The following MYH13 variants were observed in gnomAD, a reference collection of about 807,000 sequenced individuals.
The protein encoded by MYH13 is myosin-13.
MYH13 carries 177 observed loss-of-function variants against 232.1 expected under a neutral mutation model. The ratio of observed to expected loss-of-function variants is 0.76; its 90% CI spans 0.67 to 0.86. MYH13 has a LOEUF of 0.86. Ranked by LOEUF, MYH13 falls within the 40% of genes least tolerant of loss-of-function variation. The probability of loss-of-function intolerance (pLI) is 0.00; values close to 1 mark genes in which losing one functional copy is unlikely to be tolerated. For synonymous variants in MYH13, 884 were observed against 923.5 expected (o/e 0.96, Z 0.78); for missense variants, 2,246 against 2,405.9 (o/e 0.93, Z 1.39).
At position 10,357,826 on chromosome 17, in the gene MYH13, C is replaced by A. The variant is rs2071760591; in HGVS notation, c.647G>T (p.Gly216Val). Residue 216 changes from glycine (G) to valine (V), a missense_variant and splice_region_variant, in exon 8 of 41, where the codon GGA becomes GTA. Coordinates refer to ENST00000252172, the MANE Select transcript of MYH13 (RefSeq NM_003802.3). ...KKETQPGKMQ[G>V]TLEDQIIQAN... Reference sequence around the variant, plus strand: ...CTGGATGATCTGATCCTCTAGGGTTCCCTAATAATAAACAAGAAGAGGAAA... The same window carrying A: ...CTGGATGATCTGATCCTCTAGGGTTACCTAATAATAAACAAGAAGAGGAAA... The A allele has an allele frequency of 6.2e-7, 1 of 1,611,968 alleles. No homozygotes were observed. The highest frequency in any genetic ancestry group is 1.7e-5 in the Admixed American group (1 of 59,766).
At position 10,318,743 on chromosome 17, in the gene MYH13, C is replaced by T. The variant is rs188388411; in HGVS notation, c.3738+47G>A. 97 of 1,606,088 alleles carry T rather than the reference C, an allele frequency of 6.0e-5. No homozygotes were observed. The East Asian group carries it at 1.5e-3, about 24-fold the overall frequency. On this transcript the variant is annotated intron_variant, in intron 27 of 40. Transcript: ENST00000252172. ...TTACACGTGCCCAGGGGCAGGTGGC[C>T]GTCGGCTGCCTTGCATTCTCCAAGA...
chr17:10,301,694 C>G lies in MYH13; in HGVS notation c.5677G>C (p.Ala1893Pro), dbSNP rs1906098275. 6.2e-7 allele frequency: 1 copy of G among 1,613,270 alleles called. No homozygotes were observed. Among genetic ancestry groups the G allele is most frequent in the Admixed American group, 1.7e-5 (1 of 60,002 alleles). ...KRQAEEAEEQ[A>P]NTQLSRCRRV... ...CGGCATCTGGACAGCTGCGTGTTGG[C>G]CTGCTCCTCCTGCACAGGAGACAGA... The change falls in exon 40 of 41, where the codon GCC becomes CCC. Residue 1893 changes from alanine (A) to proline (P), a missense_variant. By Grantham distance (27) the Ala-to-Pro change is conservative (BLOSUM62 -1). Transcript: ENST00000252172.
intron 11 of MYH13, among the ~76,000 whole-genome samples, chr17:10,351,311 A>G (rs1316010077): frequency 1.3e-5 from 2 of 151,914 alleles, no homozygotes; most frequent in Non-Finnish European, 2.9e-5. Context: ...ATTGGGAACC[A>G]TTGTATGATA....
rs56798899 is a variant in MYH13, at chr17:10,366,381, G to GTTTTT, written c.-12-1844_-12-1840dup. ...CATATCTCTCTTAAGAAATAAATCT[G>GTTTTT]TTTTTTTTTTTTTTTTTGAGATGGA... On this transcript the variant is annotated intron_variant, in intron 2 of 40. Coordinates refer to ENST00000252172, the MANE Select transcript of MYH13 (RefSeq NM_003802.3). Among the ~76,000 whole-genome samples, 26 of 112,622 alleles carry GTTTTT rather than the reference G, an allele frequency of 2.3e-4. 2 individuals carry two copies. Among genetic ancestry groups the GTTTTT allele is most frequent in the Admixed American group, 1.4e-3 (15 of 10,518 alleles). The allele number at this position is 112,622 out of a possible 152,430, so 73.9% of individuals were successfully genotyped here. A position where few individuals can be genotyped will look rare whatever the true frequency, so the allele number is the denominator to read the frequency against.
intron 18 of MYH13, among the ~76,000 whole-genome samples, chr17:10,337,361 A>G (rs1054368822): frequency 3.3e-5 from 5 of 152,280 alleles, no homozygotes; most frequent in African/African-American, 1.2e-4. Flanking sequence ...CTGCAAGAGG[A>G]GAACGAGAGG....
rs565145210 is a variant in MYH13, at chr17:10,316,927, G to A, written c.3739-902C>T. ...GAGGAAGCAGGGACACTAATTCCACGGGCGTCCTGGAGGAGCTTAGGATCT... is the reference window on the plus strand; with the variant it reads ...GAGGAAGCAGGGACACTAATTCCACAGGCGTCCTGGAGGAGCTTAGGATCT... On this transcript the variant is annotated intron_variant, in intron 27 of 40. Coordinates refer to ENST00000252172, the MANE Select transcript of MYH13 (RefSeq NM_003802.3). Among the ~76,000 whole-genome samples the A allele has an allele frequency of 7.9e-5, 12 of 152,260 alleles. 1 individual carries two copies. Among genetic ancestry groups the A allele is most frequent in the South Asian group, 6.2e-4 (3 of 4,820 alleles).
chr17:10,330,589 G>A, intron 20 of MYH13, 66 bp from the exon 21 acceptor site: 2 of 1,543,320 alleles, frequency 1.3e-6, no homozygotes, highest in Non-Finnish European at 8.7e-7. Context: ...GCCCTTGAGG[G>A]GGCCTGTTTC....
At chr17:10,346,288 T>C (rs139185866) in intron 13 of MYH13, among the ~76,000 whole-genome samples, 1 of 152,274 alleles carries the variant, frequency 6.6e-6, no homozygotes, top group East Asian at 1.9e-4. Context: ...CAAAAGACAC[T>C]GGTCTCAGTC....
chr17:10,338,689 G>GTTTTTTTTTTT (rs757791680), intron 18 of MYH13, among the ~76,000 whole-genome samples: 35 of 108,790 alleles, frequency 3.2e-4, no homozygotes, highest in East Asian at 1.2e-3. Flanking sequence ...TTTTATCCTT[G>GTTTTTTTTTTT]TTTTTTTTTT....
In MYH13 at chr17:10,319,042, T is replaced by C. The variant is rs763705635; in HGVS notation, c.3486A>G (p.Ser1162=). Residue 1162 remains serine (S), a synonymous_variant, in exon 27 of 41, where the codon TCA becomes TCG. Coordinates refer to ENST00000252172, the MANE Select transcript of MYH13 (RefSeq NM_003802.3). The stretch of plus-strand genomic sequence containing the variant: ...TCTTCTTGTTCATCTCAATCTGGGC[T>C]GAAGTGGCCCCACTGGCTTCTTCCA... ...ERLEEASGAT[S]AQIEMNKKRE... is the part of the protein sequence containing the mutation. 1.9e-5 allele frequency: 31 copies of C among 1,614,048 alleles called. No homozygotes were observed. The highest frequency in any genetic ancestry group is 2.6e-5 in the Non-Finnish European group (31 of 1,180,034).
chr17:10,367,719 C>T (rs2071848272), intron 2 of MYH13, among the ~76,000 whole-genome samples: 1 of 152,166 alleles, frequency 6.6e-6, no homozygotes, highest in Non-Finnish European at 1.5e-5. Flanking sequence ...GTAGTGTTTT[C>T]ATTTTTTGCA....
At chr17:10,301,825 G>T in intron 39 of MYH13, 122 bp from the exon 40 acceptor site, 1 of 1,325,992 alleles carries the variant, frequency 7.5e-7, no homozygotes, top group Non-Finnish European at 1.0e-6. Context: ...TGATGGCAGA[G>T]AGGGCAGGGA....
In MYH13 at chr17:10,311,983, T is replaced by G; in HGVS notation, c.4459A>C (p.Lys1487Gln). 1 of 1,614,042 alleles carries G rather than the reference T, an allele frequency of 6.2e-7. No homozygotes were observed. Among genetic ancestry groups the G allele is most frequent in the Non-Finnish European group, 8.5e-7 (1 of 1,179,898 alleles). Residue 1487 changes from lysine (K) to glutamine (Q), a missense_variant, in exon 32 of 41, where the codon AAG (lysine) becomes CAG (glutamine). Transcript: ENST00000252172. ...ESRSLSTELF[K>Q]MRNAYEEVVD... ...ACCTCCTCATAGGCATTCCTCATCT[T>G]GAAGAGTTCAGTGCTGAGTGACCTG...
At position 10,336,785 on chromosome 17, in the gene MYH13, C is replaced by T. The variant is rs758108185; in HGVS notation, c.2056+3365G>A. Among the ~76,000 whole-genome samples, 9 of 152,198 alleles carry T rather than the reference C, an allele frequency of 5.9e-5. No homozygotes were observed. The South Asian group carries it at 1.0e-3, about 18-fold the overall frequency. Reference sequence around the variant, plus strand: ...CCTGCTTGGCCTGTTCATGCTACCTCGCCTGCTCCATCCCATGGGAATGAC... The same window carrying T: ...CCTGCTTGGCCTGTTCATGCTACCTTGCCTGCTCCATCCCATGGGAATGAC... On this transcript the variant is annotated intron_variant, in intron 18 of 40. Transcript: ENST00000252172.
intron 15 of MYH13, among the ~76,000 whole-genome samples, 190 bp downstream of exon 15, chr17:10,345,012 C>T (rs909919295): frequency 2.6e-5 from 4 of 152,022 alleles, no homozygotes; most frequent in Non-Finnish European, 5.9e-5. Flanking sequence ...TTTAATGACC[C>T]GTAAACCTCT....
At chr17:10,307,880 G>A (rs759156753) in intron 35 of MYH13, among the ~76,000 whole-genome samples, 12 of 152,224 alleles carry the variant, frequency 7.9e-5, no homozygotes, top group Middle Eastern at 3.4e-3. Flanking sequence ...ATTTAGTTAT[G>A]AGGAAGTTCA....
Position 10,346,822 on chromosome 17 carries a change from A to G in MYH13, c.1145-24T>C, listed in dbSNP as rs763756770. 5 of 1,579,350 alleles carry G rather than the reference A, an allele frequency of 3.2e-6. No homozygotes were observed. The African/African-American group carries it at 6.7e-5, about 21-fold the overall frequency. On this transcript the variant is annotated intron_variant, in intron 12 of 40. Transcript: ENST00000252172. ...CACTGAAGGAAGAGAAAAAAATGGC[A>G]TCATGCAAAAACAGTAGCTGCTAAA...
At position 10,312,095 on chromosome 17, in the gene MYH13, A is replaced by C. The variant is rs1225461404; in HGVS notation, c.4366-19T>G. 1 of 1,612,642 alleles carries C rather than the reference A, an allele frequency of 6.2e-7. No individual in the cohort carries two copies. Among genetic ancestry groups the C allele is most frequent in the African/African-American group, 1.3e-5 (1 of 74,868 alleles). ...CAAGGACCTGGGAGATGACAAAGGG[A>C]CATGGGAGAAGCAGAAAGCAGGGGT... is the stretch of plus-strand genomic sequence containing the variant. On this transcript the variant is annotated intron_variant, in intron 31 of 40. Transcript: ENST00000252172.
rs796782054 is a variant in MYH13 at position 10,371,656 on chromosome 17, A to C, written c.-63-397T>G. Among the ~76,000 whole-genome samples, 8 of 152,308 alleles carry C rather than the reference A, an allele frequency of 5.3e-5. No homozygotes were observed. The South Asian group carries it at 1.5e-3, about 28-fold the overall frequency. On this transcript the variant is annotated intron_variant, in intron 1 of 40. Coordinates refer to ENST00000252172, the MANE Select transcript of MYH13 (RefSeq NM_003802.3). ...TTTTAAGGAGTCTAAACAAAGTACTATGGGAACTTAGAGAAACCGCTTCTG... is the reference window on the plus strand; with the variant it reads ...TTTTAAGGAGTCTAAACAAAGTACTCTGGGAACTTAGAGAAACCGCTTCTG...
Sources: gnomAD v4.1 joint callset for allele counts (sites outside exome capture counted in the v4.1 genomes callset) on GRCh38, gnomAD v4.1.1 for gene constraint, MANE v1.5 for transcripts, NCBI Gene and HGNC (gene_info 2026-07-23, HGNC 2026-07-21) for gene names.